EFCAB6: variants seen among roughly 807,000 people sequenced by gnomAD.
The protein encoded by EFCAB6 is EF-hand calcium-binding domain-containing protein 6.
In EFCAB6, 156 loss-of-function variants were observed where a neutral mutation model predicts 169.8. The observed-to-expected ratio is 0.92, with a 90% CI of 0.81 to 1.05. The LOEUF is 1.05. EFCAB6 is among the 50% of genes least tolerant of loss of function. The probability of loss-of-function intolerance (pLI) is 0.00; values close to 1 mark genes in which losing one functional copy is unlikely to be tolerated. For missense variants in EFCAB6, 1,800 were observed against 1,829.1 expected (o/e 0.98, Z 0.29); for synonymous variants, 698 against 676.4 (o/e 1.03, Z -0.50).
chr22:43,717,635 T>A (rs2059380083), intron 8 of EFCAB6, among the ~76,000 whole-genome samples: 1 of 152,080 alleles, frequency 6.6e-6, no homozygotes, highest in African/African-American at 2.4e-5. Flanking sequence ...TAAAACAAAT[T>A]AACATTTTTT....
intron 17 of EFCAB6, among the ~76,000 whole-genome samples, chr22:43,654,148 G>A (rs181358278): frequency 2.4e-4 from 37 of 152,246 alleles, no homozygotes; most frequent in Non-Finnish European, 4.0e-4. Context: ...AGGATAATGA[G>A]GCATGAGTCC....
At chr22:43,596,338 T>A (rs1177938159) in intron 23 of EFCAB6, among the ~76,000 whole-genome samples, 1 of 151,710 alleles carries the variant, frequency 6.6e-6, no homozygotes, top group Non-Finnish European at 1.5e-5. Flanking sequence ...ATTTTATATT[T>A]AAAAAAAACC....
intron 21 of EFCAB6, among the ~76,000 whole-genome samples, chr22:43,609,156 T>G (rs1434774749): frequency 6.6e-6 from 1 of 152,220 alleles, no homozygotes; most frequent in African/African-American, 2.4e-5. Flanking sequence ...TCATTTAATC[T>G]TCTTCATAAC....
In EFCAB6 at chr22:43,784,862, T is replaced by A. The variant is rs189328800; in HGVS notation, c.-7-2537A>T. Among the ~76,000 whole-genome samples, 12 of 149,880 alleles carry A rather than the reference T, an allele frequency of 8.0e-5. 1 individual carries two copies. In the Admixed American group the frequency reaches 8.0e-4, roughly 10 times the overall value. ...CTGTACTCTAGACTGGGTGACAGAC[T>A]GAGACCCTGTCTCTAAATAAATTTT... On this transcript the variant is annotated intron_variant, in intron 2 of 31. Transcript: ENST00000262726.
chr22:43,618,913 T>C (rs1316371391), intron 20 of EFCAB6, among the ~76,000 whole-genome samples: 130 of 148,324 alleles, frequency 8.8e-4, no homozygotes, highest in Admixed American at 8.1e-3. Flanking sequence ...TCTCTCTCTT[T>C]TTTTTTTTTT....
intron 9 of EFCAB6, among the ~76,000 whole-genome samples, chr22:43,713,942 G>A (rs1226835516): frequency 2.0e-5 from 3 of 151,926 alleles, no homozygotes; most frequent in Admixed American, 2.0e-4. Flanking sequence ...AACCCGGAAT[G>A]GAAGAAGACA....
intron 19 of EFCAB6, among the ~76,000 whole-genome samples, chr22:43,630,239 G>A (rs930735231): frequency 1.3e-5 from 2 of 152,178 alleles, no homozygotes; most frequent in South Asian, 2.1e-4. Flanking sequence ...AAGTCCTCAC[G>A]AGCCCCGGAC....
rs533461908 is a variant in EFCAB6, at chr22:43,739,323, G to C, written c.508-3330C>G. On this transcript the variant is annotated intron_variant, in intron 6 of 31. Transcript: ENST00000262726. ...AGGCACTTTTGCTACTTAGCTTCCA[G>C]AGCCAATGCTCTCTCTCCTTCTTCT... Among the ~76,000 whole-genome samples the C allele has an allele frequency of 6.6e-5, 10 of 152,290 alleles. No individual in the cohort carries two copies. The South Asian group carries it at 2.1e-3, about 32-fold the overall frequency.
At chr22:43,633,567 A>AAAAC (rs753993145) in intron 18 of EFCAB6, among the ~76,000 whole-genome samples, 4 of 152,286 alleles carry the variant, frequency 2.6e-5, no homozygotes, top group African/African-American at 7.2e-5. Flanking sequence ...AACAGGAACA[A>AAAAC]AAACAAACAA....
rs527777838 is a variant in EFCAB6, at chr22:43,735,223, GT to G, written c.644+633del. Reference sequence around the variant, plus strand: ...AAAAAATGCCCGTGCAGGCTTCTGTGTGCTGCCCTTGGAGTCAGGAGCAGGT... The same window carrying G: ...AAAAAATGCCCGTGCAGGCTTCTGTGGCTGCCCTTGGAGTCAGGAGCAGGT... On this transcript the variant is annotated intron_variant, in intron 7 of 31. Transcript: ENST00000262726. 2.3e-3 allele frequency among the ~76,000 whole-genome samples: 349 copies of G among 152,194 alleles called. 1 individual carries two copies. Among genetic ancestry groups the G allele is most frequent in the African/African-American group, 8.2e-3 (341 of 41,510 alleles).
At chr22:43,779,237 A>G (rs972961441) in intron 3 of EFCAB6, among the ~76,000 whole-genome samples, 2 of 152,266 alleles carry the variant, frequency 1.3e-5, no homozygotes, top group Admixed American at 6.5e-5. Flanking sequence ...AGGTCTATAG[A>G]AATGATTCAA....
intron 24 of EFCAB6, among the ~76,000 whole-genome samples, chr22:43,581,393 T>C (rs1387700364): frequency 1.3e-5 from 2 of 149,712 alleles, no homozygotes; most frequent in Non-Finnish European, 3.0e-5. Context: ...TCCACCTGCA[T>C]CGATGGCTCA....
At position 43,699,311 on chromosome 22, in the gene EFCAB6, T is replaced by G. The variant is rs529041566; in HGVS notation, c.1032-11730A>C. On this transcript the variant is annotated intron_variant, in intron 10 of 31. Coordinates refer to ENST00000262726, the MANE Select transcript of EFCAB6 (RefSeq NM_022785.4). The stretch of plus-strand genomic sequence containing the variant: ...GTTCCTGCCCTGCTGGGCAGCAGCT[T>G]GGCAATAGTCATGTTCTTCTCCCTA... 5.3e-5 allele frequency among the ~76,000 whole-genome samples: 8 copies of G among 152,252 alleles called. No individual in the cohort carries two copies. The East Asian group carries it at 1.5e-3, about 29-fold the overall frequency.
chr22:43,733,811 C>A (rs370606113), intron 7 of EFCAB6, among the ~76,000 whole-genome samples: 6 of 152,046 alleles, frequency 3.9e-5, no homozygotes, highest in African/African-American at 1.4e-4. Context: ...CGGGTTCAAG[C>A]GATTCTCCTG....
In EFCAB6 at chr22:43,694,403, A is replaced by C. The variant is rs1399178000; in HGVS notation, c.1032-6822T>G. On this transcript the variant is annotated intron_variant, in intron 10 of 31. Coordinates refer to ENST00000262726, the MANE Select transcript of EFCAB6 (RefSeq NM_022785.4). ...CAAACATTTAAAGAATATAAATAAC[A>C]CCAGGCAGAAAGCAGAGTTCAGGAA... Among the ~76,000 whole-genome samples, 11 of 152,226 alleles carry C rather than the reference A, an allele frequency of 7.2e-5. No individual in the cohort carries two copies. The East Asian group carries it at 1.9e-3, about 27-fold the overall frequency.
chr22:43,778,614 C>A (rs1165279409), intron 3 of EFCAB6, among the ~76,000 whole-genome samples: 1 of 152,142 alleles, frequency 6.6e-6, no homozygotes, highest in South Asian at 2.1e-4. Flanking sequence ...GAGATCTCCC[C>A]GCCATATGCA....
chr22:43,626,383 G>A, intron 20 of EFCAB6, 64 bp downstream of exon 20: 8 of 1,489,068 alleles, frequency 5.4e-6, no homozygotes, highest in South Asian at 1.2e-5. Flanking sequence ...CCATGGAAAT[G>A]CTGGACGTCA....
intron 27 of EFCAB6, among the ~76,000 whole-genome samples, chr22:43,547,655 C>T (rs2048137145): frequency 6.6e-6 from 1 of 151,410 alleles, no homozygotes; most frequent in Non-Finnish European, 1.5e-5. Context: ...GTCCCAGCTA[C>T]TTGGGAAGCT....
At chr22:43,653,955 A>C (rs2056609724) in intron 17 of EFCAB6, among the ~76,000 whole-genome samples, 1 of 152,180 alleles carries the variant, frequency 6.6e-6, no homozygotes, top group South Asian at 2.1e-4. Flanking sequence ...AGTAAAAATC[A>C]GTGAAGTAGA....
Sources: gnomAD v4.1 joint callset for allele counts (sites outside exome capture counted in the v4.1 genomes callset) on GRCh38, gnomAD v4.1.1 for gene constraint, MANE v1.5 for transcripts, NCBI Gene and HGNC (gene_info 2026-07-23, HGNC 2026-07-21) for gene names.